ZNF485: variants seen among roughly 807,000 people sequenced by gnomAD.
ZNF485 encodes the protein Zinc finger protein 93 (Zinc finger protein HTF34).
In ZNF485, 9 loss-of-function variants were observed where a neutral mutation model predicts 10.8. The observed-to-expected ratio is 0.83, with a 90% CI of 0.50 to 1.45. ZNF485 has a LOEUF of 1.45. Ranked by LOEUF, ZNF485 falls within the 40% of genes most tolerant of loss-of-function variation. The pLI is 0.00. For missense variants in ZNF485, 487 were observed against 528.0 expected (o/e 0.92, Z 0.76); for synonymous variants, 187 against 181.0 (o/e 1.03, Z -0.27).
chr10:43,609,081 G>A (rs1435212566), intron 3 of ZNF485, among the ~76,000 whole-genome samples, 174 bp from the exon 4 acceptor site: 1 of 152,120 alleles, frequency 6.6e-6, no homozygotes, highest in Non-Finnish European at 1.5e-5. Flanking sequence ...TTTACTTCAT[G>A]AGTTGGACAT....
At chr10:43,610,019 A>G (rs1320234340) in intron 4 of ZNF485, among the ~76,000 whole-genome samples, 2 of 152,090 alleles carry the variant, frequency 1.3e-5, no homozygotes, top group Non-Finnish European at 2.9e-5. Context: ...CCACTCTCTC[A>G]TGGAAGCTTG....
At chr10:43,607,631 T>G (rs750491480) in intron 2 of ZNF485, among the ~76,000 whole-genome samples, 7 of 152,208 alleles carry the variant, frequency 4.6e-5, no homozygotes, top group Non-Finnish European at 8.8e-5. Context: ...AGAAGCTGAT[T>G]AAATAATTGG....
In ZNF485 at chr10:43,617,815, A is replaced by G; in HGVS notation, c.*446A>G. 6.5e-6 allele frequency: 1 copy of G among 154,326 alleles called. No individual in the cohort carries two copies. The highest frequency in any genetic ancestry group is 1.4e-5 in the Non-Finnish European group (1 of 69,418). 9.6% of individuals were successfully genotyped at this position (154,326 alleles called of 1,614,324 possible). ...AAATATACCCATGATAATATACCCA[A>G]TATACCCTTGTTAAAGAAGCAAGTT... On this transcript the variant is annotated 3_prime_UTR_variant, in exon 5 of 5. Coordinates refer to ENST00000361807, the MANE Select transcript of ZNF485 (RefSeq NM_145312.4).
At chr10:43,609,450 A>G in intron 4 of ZNF485, 100 bp downstream of exon 4, 1 of 877,718 alleles carries the variant, frequency 1.1e-6, no homozygotes, top group South Asian at 1.7e-5. Flanking sequence ...TGGTGCAGAA[A>G]GGCACTGGTT....
intron 4 of ZNF485, among the ~76,000 whole-genome samples, chr10:43,612,171 C>T (rs1170442819): frequency 1.3e-5 from 2 of 152,110 alleles, no homozygotes; most frequent in Admixed American, 6.5e-5. Context: ...TCTGTCTTTT[C>T]CATTTTGATC....
intron 4 of ZNF485, among the ~76,000 whole-genome samples, chr10:43,612,006 CCTT>C (rs773977047): frequency 6.6e-6 from 1 of 152,056 alleles, no homozygotes; most frequent in South Asian, 2.1e-4. Context: ...TTGTGTCTGG[CCTT>C]CTCATTTGAG....
At chr10:43,611,747 G>A (rs894508034) in intron 4 of ZNF485, among the ~76,000 whole-genome samples, 1 of 152,148 alleles carries the variant, frequency 6.6e-6, no homozygotes, top group African/African-American at 2.4e-5. Flanking sequence ...TATCAGGAGT[G>A]TGATTTAGCA....
In ZNF485 at chr10:43,616,756, G is replaced by T; in HGVS notation, c.713G>T (p.Gly238Val). The change falls in exon 5 of 5, where the codon GGC becomes GTC. Residue 238 changes from glycine to valine, a missense_variant. Coordinates refer to ENST00000361807, the MANE Select transcript of ZNF485 (RefSeq NM_145312.4). ...TTAAGTCATCAGAGAATTCATACTG[G>T]CCAGAAACCCTACAAATGTAATGAC... is the stretch of plus-strand genomic sequence containing the variant. Reference protein sequence around the residue: ...ILLSHQRIHTGQKPYKCNDCG... With the variant: ...ILLSHQRIHTVQKPYKCNDCG... 6.2e-7 allele frequency: 1 copy of T among 1,614,118 alleles called. No individual in the cohort carries two copies. The highest frequency in any genetic ancestry group is 1.3e-5 in the African/African-American group (1 of 75,056).
At chr10:43,610,725 GT>G (rs199774289) in intron 4 of ZNF485, among the ~76,000 whole-genome samples, 1 of 151,182 alleles carries the variant, frequency 6.6e-6, no homozygotes, top group African/African-American at 2.4e-5. Flanking sequence ...AGTATTTTAT[GT>G]TTTTTTTTGT....
chr10:43,616,622 G>A lies in ZNF485; in HGVS notation c.579G>A (p.Lys193=), dbSNP rs775242880. The A allele has an allele frequency of 1.2e-6, 2 of 1,614,084 alleles. No homozygotes were observed. The part of the protein sequence containing the change: ...KQPYRCIECG[K]FLKKHSTFIN... ...CTTATAGATGTATTGAATGTGGGAAGTTCCTGAAGAAGCACTCAACGTTTA... is the reference window on the plus strand; with the variant it reads ...CTTATAGATGTATTGAATGTGGGAAATTCCTGAAGAAGCACTCAACGTTTA... Residue 193 remains lysine (K), a synonymous_variant, in exon 5 of 5, where the codon AAG becomes AAA. Coordinates refer to ENST00000361807, the MANE Select transcript of ZNF485 (RefSeq NM_145312.4).
chr10:43,607,180 C>T (rs1240518967), intron 2 of ZNF485, 106 bp downstream of exon 2: 11 of 1,370,654 alleles, frequency 8.0e-6, no homozygotes, highest in Non-Finnish European at 1.1e-5. Context: ...CAAAGCTACC[C>T]GAACCAATCC....
Position 43,616,871 on chromosome 10 carries a change from G to A in ZNF485, c.828G>A (p.Gly276=). 6.2e-7 allele frequency: 1 copy of A among 1,614,094 alleles called. No individual in the cohort carries two copies. Among genetic ancestry groups the A allele is most frequent in the Non-Finnish European group, 8.5e-7 (1 of 1,180,032 alleles). The stretch of plus-strand genomic sequence containing the variant: ...AGCCTTTTAAATGTAACAAGTGTGG[G>A]AGAGCTTTCAGGGATAATTCAACTG... ...GEKPFKCNKC[G]RAFRDNSTVL... Residue 276 remains glycine, a synonymous_variant, in exon 5 of 5, where the codon GGG becomes GGA. Coordinates refer to ENST00000361807, the MANE Select transcript of ZNF485 (RefSeq NM_145312.4).
chr10:43,607,757 CTT>C (rs1419133035), intron 2 of ZNF485, among the ~76,000 whole-genome samples: 1 of 152,176 alleles, frequency 6.6e-6, no homozygotes, highest in Non-Finnish European at 1.5e-5. Context: ...TTGAAACACA[CTT>C]TTCATTTTTT....
chr10:43,607,120 A>T, intron 2 of ZNF485, 46 bp downstream of exon 2: 4 of 1,550,214 alleles, frequency 2.6e-6, no homozygotes, highest in Non-Finnish European at 3.5e-6. Flanking sequence ...TGTTTCAGCG[A>T]GGTGGGGTTT....
At chr10:43,616,014 G>A (rs1033938788) in intron 4 of ZNF485, among the ~76,000 whole-genome samples, 1 of 151,952 alleles carries the variant, frequency 6.6e-6, no homozygotes, top group African/African-American at 2.4e-5. Context: ...GCTGTTTCCT[G>A]TGTTGTCTTC....
intron 1 of ZNF485, 82 bp downstream of exon 1, chr10:43,606,628 T>G: frequency 3.4e-6 from 1 of 291,038 alleles, no homozygotes; most frequent in Non-Finnish European, 6.4e-6. Flanking sequence ...CAGGGGCGGG[T>G]CGAGGGGCGA....
At position 43,616,957 on chromosome 10, in the gene ZNF485, A is replaced by C; in HGVS notation, c.914A>C (p.Lys305Thr). ...CCATATCAGTGTAATGAATGTGGAAAAGCCTTTAGGAAGAGCTCAACTCTT... is the reference window on the plus strand; with the variant it reads ...CCATATCAGTGTAATGAATGTGGAACAGCCTTTAGGAAGAGCTCAACTCTT... ...EKPYQCNECG[K>T]AFRKSSTLIS... Residue 305 changes from lysine to threonine, a missense_variant, in exon 5 of 5, where the codon AAA becomes ACA. Lys to Thr is a moderately conservative substitution (Grantham distance 78). Transcript: ENST00000361807. 1 of 1,614,170 alleles carries C rather than the reference A, an allele frequency of 6.2e-7. No homozygotes were observed. Among genetic ancestry groups the C allele is most frequent in the Non-Finnish European group, 8.5e-7 (1 of 1,180,052 alleles).
chr10:43,611,019 T>C (rs1439400056), intron 4 of ZNF485, among the ~76,000 whole-genome samples: 1 of 151,898 alleles, frequency 6.6e-6, no homozygotes, highest in African/African-American at 2.4e-5. Context: ...TTAGAGCTTC[T>C]CTCTCTCTCT....
rs1278491103 is a variant in ZNF485, at chr10:43,617,145, A to G, written c.1102A>G (p.Thr368Ala). Residue 368 changes from threonine to alanine, a missense_variant, in exon 5 of 5, where the codon ACC becomes GCC. Coordinates refer to ENST00000361807, the MANE Select transcript of ZNF485 (RefSeq NM_145312.4). Reference sequence around the variant, plus strand: ...TGGGAAGGCCTTTACAAAGAGCTCAACCCTTACTGGACATCAGAGAATTCA... The same window carrying G: ...TGGGAAGGCCTTTACAAAGAGCTCAGCCCTTACTGGACATCAGAGAATTCA... ...DCGKAFTKSS[T>A]LTGHQRIHTG... The G allele has an allele frequency of 3.1e-6, 5 of 1,614,062 alleles. No individual in the cohort carries two copies. The highest frequency in any genetic ancestry group is 2.2e-5 in the East Asian group (1 of 44,898).
Sources: allele counts gnomAD v4.1 joint callset (sites outside exome capture counted in the v4.1 genomes callset), GRCh38; gene constraint gnomAD v4.1.1; transcripts MANE v1.5; gene names NCBI Gene and HGNC (gene_info 2026-07-23, HGNC 2026-07-21).